The following RYR3 variants were observed in gnomAD, a reference collection of about 807,000 sequenced individuals.
RYR3 encodes the protein ryanodine receptor 3.
In RYR3, 207 loss-of-function variants were observed where a neutral mutation model predicts 584.3. That is an observed-to-expected ratio of 0.35 (90% CI 0.32 to 0.40). RYR3 has a LOEUF of 0.40. Among genes scored for constraint, RYR3 ranks in the 10% least tolerant of loss-of-function variants. RYR3 has a pLI of 1.00. For missense variants in RYR3, 5,616 were observed against 6,089.2 expected, an observed-to-expected ratio of 0.92 and a Z score of 2.59; for synonymous variants, 2,416 against 2,248.5, an observed-to-expected ratio of 1.07 and a Z score of -2.11.
chr15:33,504,574 G>A (rs1426709177), intron 3 of RYR3, among the ~76,000 whole-genome samples: 1 of 152,032 alleles, frequency 6.6e-6, no homozygotes, highest in African/African-American at 2.4e-5. Context: ...TTTCCACTCA[G>A]CAGTTCTTTC....
At chr15:33,855,823 C>T (rs1374746907) in intron 98 of RYR3, 1 of 152,160 alleles carries the variant, frequency 6.6e-6, no homozygotes, top group Non-Finnish European at 1.5e-5. Context: ...ATTGATGAGA[C>T]TGGATATAGC....
At chr15:33,706,776 G>A (rs1356648745) in intron 42 of RYR3, 143 bp from the exon 43 acceptor site, 4 of 703,684 alleles carry the variant, frequency 5.7e-6, no homozygotes, top group Non-Finnish European at 9.4e-6. Flanking sequence ...CACAGTGGCT[G>A]TACCATTTTA....
At chr15:33,422,701 A>G (rs1056027000) in intron 1 of RYR3, among the ~76,000 whole-genome samples, 1 of 152,162 alleles carries the variant, frequency 6.6e-6, no homozygotes, top group Non-Finnish European at 1.5e-5. Context: ...TCGTGGGGCC[A>G]TGAATTTATA....
At chr15:33,393,084 A>G (rs547394298) in intron 1 of RYR3, among the ~76,000 whole-genome samples, 20 of 152,202 alleles carry the variant, frequency 1.3e-4, no homozygotes, top group Non-Finnish European at 2.8e-4. Context: ...TCTCTGTCAC[A>G]TGGAACCAGC....
intron 42 of RYR3, among the ~76,000 whole-genome samples, chr15:33,705,429 T>TA (rs35809961): frequency 0.17 from 26,165 of 151,972 alleles, 2,465 homozygotes; most frequent in Admixed American, 0.27. Context: ...CCCTGGAGGT[T>TA]AAAAAAAATC....
intron 27 of RYR3, among the ~76,000 whole-genome samples, chr15:33,640,988 G>C (rs2061785088): frequency 6.6e-6 from 1 of 152,136 alleles, no homozygotes; most frequent in Admixed American, 6.5e-5. Flanking sequence ...TTGCCCAGTA[G>C]GTCCTTTTAT....
intron 38 of RYR3, among the ~76,000 whole-genome samples, chr15:33,685,479 T>G (rs1367695431): frequency 6.6e-6 from 1 of 152,064 alleles, no homozygotes; most frequent in African/African-American, 2.4e-5. Context: ...AGACTTAGAC[T>G]CCCACACAAT....
At chr15:33,605,609 T>A (rs1400718860) in intron 18 of RYR3, among the ~76,000 whole-genome samples, 1 of 152,202 alleles carries the variant, frequency 6.6e-6, no homozygotes, top group Non-Finnish European at 1.5e-5. Context: ...GTCTCCAAGT[T>A]TTATACGTTT....
At chr15:33,791,300 C>T (rs1485756140) in intron 67 of RYR3, among the ~76,000 whole-genome samples, 5 of 151,966 alleles carry the variant, frequency 3.3e-5, no homozygotes, top group African/African-American at 4.8e-5. Flanking sequence ...CTTGAGCAGG[C>T]GAAAGGTCAG....
chr15:33,345,728 A>G (rs1369298952), intron 1 of RYR3, among the ~76,000 whole-genome samples: 1 of 152,180 alleles, frequency 6.6e-6, no homozygotes, highest in African/African-American at 2.4e-5. Context: ...ATCAGGCTAC[A>G]CAGTGTTCAA....
chr15:33,602,695 A>G, intron 17 of RYR3, among the ~76,000 whole-genome samples: 1 of 149,112 alleles, frequency 6.7e-6, no homozygotes, highest in East Asian at 2.0e-4. Context: ...CACACTAAGA[A>G]CTTGATCAAG....
intron 12 of RYR3, among the ~76,000 whole-genome samples, chr15:33,572,624 A>G (rs545046912): frequency 7.2e-6 from 1 of 138,010 alleles, no homozygotes; most frequent in Non-Finnish European, 1.5e-5. Context: ...TGTTCTTCCT[A>G]AGGCTCATTA....
At position 33,311,732 on chromosome 15, in the gene RYR3, A is replaced by C. The variant is rs1286230213; in HGVS notation, c.51+636A>C. Among the ~76,000 whole-genome samples the C allele has an allele frequency of 1.3e-5, 2 of 152,222 alleles. No individual in the cohort carries two copies. The highest frequency in any genetic ancestry group is 2.9e-5 in the Non-Finnish European group (2 of 68,034). ...TGACTGACTGCCTGTCGTGTGTTCG[A>C]GAGCTGTGGCTTCTGCTCCTGGCTC... On this transcript the variant is annotated intron_variant, in intron 1 of 103. Transcript: ENST00000634891. The surrounding 1 kb of genome is among the most constrained non-coding windows in gnomAD (Gnocchi z 4.4).
intron 52 of RYR3, among the ~76,000 whole-genome samples, chr15:33,743,862 A>T: frequency 6.6e-6 from 1 of 152,208 alleles, no homozygotes; most frequent in East Asian, 1.9e-4. Flanking sequence ...AATCATACAT[A>T]TTCTACCACT....
intron 1 of RYR3, among the ~76,000 whole-genome samples, chr15:33,446,740 C>T (rs943057405): frequency 6.6e-6 from 1 of 152,222 alleles, no homozygotes; most frequent in African/African-American, 2.4e-5. Context: ...TGGAGAAGCA[C>T]AGTTCAGCCC....
At chr15:33,835,348 G>A (rs1222696065) in intron 87 of RYR3, among the ~76,000 whole-genome samples, 1 of 152,056 alleles carries the variant, frequency 6.6e-6, no homozygotes, top group Non-Finnish European at 1.5e-5. Context: ...GCTTTCTGTG[G>A]TGCTAATCCT....
rs539427662 is a variant in RYR3 at position 33,641,953 on chromosome 15, A to T, written c.3557-2358A>T. Among the ~76,000 whole-genome samples the T allele has an allele frequency of 6.6e-4, 100 of 152,210 alleles. 1 individual carries two copies. The highest frequency in any genetic ancestry group is 1.1e-3 in the Admixed American group (17 of 15,262). The stretch of plus-strand genomic sequence containing the variant: ...AAGACTCACTCCCTCTCACACACTG[A>T]CTGGCAGCTGGCCTATGACTCGAGG... On this transcript the variant is annotated intron_variant, in intron 27 of 103. Transcript: ENST00000634891.
At chr15:33,744,591 C>T (rs1056222832) in intron 52 of RYR3, among the ~76,000 whole-genome samples, 3 of 152,142 alleles carry the variant, frequency 2.0e-5, no homozygotes, top group African/African-American at 7.2e-5. Context: ...AATCCAGTAC[C>T]GGGGGTCCAG....
In RYR3 at chr15:33,662,678, G is replaced by C. The variant is rs368394901; in HGVS notation, c.5148G>C (p.Gly1716=). 5 of 1,614,196 alleles carry C rather than the reference G, an allele frequency of 3.1e-6. No individual in the cohort carries two copies. In the South Asian group the frequency reaches 4.4e-5, roughly 14 times the overall value. Reference sequence around the variant, plus strand: ...CCCACATCCGAGACCCTGTAGGGGGGTCTGTGGAGTTCCAGTTTGTGCCTG... The same window carrying C: ...CCCACATCCGAGACCCTGTAGGGGGCTCTGTGGAGTTCCAGTTTGTGCCTG... ...SGAHIRDPVG[G]SVEFQFVPVL... The change falls in exon 35 of 104, where the codon GGG becomes GGC. Residue 1716 remains glycine, a synonymous_variant. Coordinates refer to ENST00000634891, the MANE Select transcript of RYR3 (RefSeq NM_001036.6).
Sources: allele counts gnomAD v4.1 joint callset (sites outside exome capture counted in the v4.1 genomes callset), GRCh38; gene constraint gnomAD v4.1.1; non-coding constraint Gnocchi (gnomAD v3.1); transcripts MANE v1.5; gene names NCBI Gene and HGNC (gene_info 2026-07-23, HGNC 2026-07-21).